TGM1: variants seen among roughly 807,000 people sequenced by gnomAD.
TGM1 encodes protein-glutamine gamma-glutamyltransferase K.
TGM1 carries 63 observed loss-of-function variants against 88.7 expected under a neutral mutation model. The observed-to-expected ratio is 0.71, with a 90% CI of 0.58 to 0.88. The LOEUF is 0.88. TGM1 is among the 40% of genes least tolerant of loss of function. The pLI, the probability that TGM1 is intolerant of heterozygous loss-of-function variation, is 0.00. For missense variants in TGM1, 996 were observed against 1,118.0 expected (o/e 0.89, Z 1.56); for synonymous variants, 415 against 431.1 (o/e 0.96, Z 0.46).
At position 24,255,173 on chromosome 14, in the gene TGM1, C is replaced by T; in HGVS notation, c.1726G>A (p.Ala576Thr). The change falls in exon 12 of 15, where the codon GCG becomes ACG. Residue 576 changes from alanine (A) to threonine (T), a missense_variant. Ala to Thr is a moderately conservative substitution (Grantham distance 58). Coordinates refer to ENST00000206765, the MANE Select transcript of TGM1 (RefSeq NM_000359.3). This position sits in a 1 kb window ranked among gnomAD's most constrained non-coding sequence, Gnocchi z 4.0. ...KPNVYANRGSAEDVAMQVEAQ... is the reference protein window; with the variant it reads ...KPNVYANRGSTEDVAMQVEAQ... ...TCCACCTGCATGGCCACATCCTCCGCTGAGCCCCGGTTGGCATACACATTG... is the reference window on the plus strand; with the variant it reads ...TCCACCTGCATGGCCACATCCTCCGTTGAGCCCCGGTTGGCATACACATTG... 2 of 1,614,120 alleles carry T rather than the reference C, an allele frequency of 1.2e-6. No individual in the cohort carries two copies. The highest frequency in any genetic ancestry group is 1.7e-6 in the Non-Finnish European group (2 of 1,180,040).
At position 24,259,508 on chromosome 14, in the gene TGM1, C is replaced by G. The variant is rs532188834; in HGVS notation, c.984+196G>C. ...GCCCTACATTCCACAGGAGCTGGGA[C>G]AGGAGCCAGGAAAGGCGGGGTGGGG... On this transcript the variant is annotated intron_variant, in intron 6 of 14. Coordinates refer to ENST00000206765, the MANE Select transcript of TGM1 (RefSeq NM_000359.3). The surrounding 1 kb of genome is among the most constrained non-coding windows in gnomAD (Gnocchi z 5.7). Among the ~76,000 whole-genome samples, 42 of 152,224 alleles carry G rather than the reference C, an allele frequency of 2.8e-4. No individual in the cohort carries two copies. Among genetic ancestry groups the G allele is most frequent in the Non-Finnish European group, 3.4e-4 (23 of 68,016 alleles).
chr14:24,262,292 T>C lies in TGM1; in HGVS notation c.61A>G (p.Thr21Ala), dbSNP rs140542428. The change falls in exon 2 of 15, where the codon ACC becomes GCC. Residue 21 changes from threonine to alanine, a missense_variant. Coordinates refer to ENST00000206765, the MANE Select transcript of TGM1 (RefSeq NM_000359.3). ...GGCTCTGGCTCTGGAGATGGCGTGG[T>C]AGGGGGCTGCAAGGGGTTGCCACCC... ...RWGGNPLQPP[T>A]TPSPEPEPEP... The C allele has an allele frequency of 1.9e-3, 3,117 of 1,613,678 alleles. 7 individuals are homozygous for C. Among genetic ancestry groups the C allele is most frequent in the Non-Finnish European group, 2.4e-3 (2,840 of 1,179,994 alleles).
chr14:24,251,774 C>T (rs1052290819), intron 14 of TGM1, among the ~76,000 whole-genome samples: 1 of 152,256 alleles, frequency 6.6e-6, no homozygotes, highest in African/African-American at 2.4e-5. Flanking sequence ...CTTCCTTCCA[C>T]AGCATGCCTC....
chr14:24,257,876 C>CT lies in TGM1; in HGVS notation c.1402+408dup, dbSNP rs982374582. On this transcript the variant is annotated intron_variant, in intron 9 of 14. Coordinates refer to ENST00000206765, the MANE Select transcript of TGM1 (RefSeq NM_000359.3). ...ACATTTTGTGTTGTTCAATTCTATA[C>CT]TTTTTTTTTCCTTCCAAGCATGTAT... is the stretch of plus-strand genomic sequence containing the variant. 4.0e-5 allele frequency among the ~76,000 whole-genome samples: 6 copies of CT among 151,680 alleles called. No homozygotes were observed. The East Asian group carries it at 7.7e-4, about 19-fold the overall frequency.
In TGM1 at chr14:24,259,622, C is replaced by T. The variant is rs1038140901; in HGVS notation, c.984+82G>A. 13 of 1,214,342 alleles carry T rather than the reference C, an allele frequency of 1.1e-5. No individual in the cohort carries two copies. In the Admixed American group the frequency reaches 2.5e-4, roughly 24 times the overall value. The allele number at this position is 1,214,342 out of a possible 1,614,324, so 75.2% of individuals were successfully genotyped here. ...CAGGGCTGGGGGTTCTTGAGGAATC[C>T]AGAAAGGGCAGGAGGAGGGTGGGGG... On this transcript the variant is annotated intron_variant, in intron 6 of 14. Transcript: ENST00000206765. This position sits in a 1 kb window ranked among gnomAD's most constrained non-coding sequence, Gnocchi z 5.7.
Position 24,259,153 on chromosome 14 carries a change from T to A in TGM1, c.1081A>T (p.Ile361Phe). The change falls in exon 7 of 15, where the codon ATC (isoleucine) becomes TTC (phenylalanine). Residue 361 changes from isoleucine to phenylalanine, a missense_variant. Coordinates refer to ENST00000206765, the MANE Select transcript of TGM1 (RefSeq NM_000359.3). This position sits in a 1 kb window ranked among gnomAD's most constrained non-coding sequence, Gnocchi z 5.7. ...CCCGTGCGTAGGTAGCTAAGCAGGATCTCCACGCTGCCCACCCACGCTGAT... is the reference window on the plus strand; with the variant it reads ...CCCGTGCGTAGGTAGCTAAGCAGGAACTCCACGCTGCCCACCCACGCTGAT... ...NPSAWVGSVE[I>F]LLSYLRTGYS... 1 of 1,614,114 alleles carries A rather than the reference T, an allele frequency of 6.2e-7. No homozygotes were observed. Among genetic ancestry groups the A allele is most frequent in the Non-Finnish European group, 8.5e-7 (1 of 1,180,002 alleles).
chr14:24,261,598 G>C, intron 3 of TGM1, 97 bp downstream of exon 3: 1 of 1,450,040 alleles, frequency 6.9e-7, no homozygotes, highest in Non-Finnish European at 9.7e-7. Flanking sequence ...GGTGAGGAGT[G>C]GGGCAGGGAG....
chr14:24,258,452 GCCTCC>G, intron 8 of TGM1, 64 bp from the exon 9 acceptor site: 1 of 1,611,354 alleles, frequency 6.2e-7, no homozygotes, highest in African/African-American at 1.3e-5. Context: ...AGTTTCCCCA[GCCTCC>G]CCAGCCCTGC....
In TGM1 at chr14:24,249,436, C is replaced by T. The variant is rs1249111571; in HGVS notation, c.2331G>A (p.Gln777=). 1 of 1,613,910 alleles carries T rather than the reference C, an allele frequency of 6.2e-7. No individual in the cohort carries two copies. Among genetic ancestry groups the T allele is most frequent in the African/African-American group, 1.3e-5 (1 of 74,878 alleles). The change falls in exon 15 of 15, where the codon CAG becomes CAA. Residue 777 remains glutamine, a synonymous_variant. Transcript: ENST00000206765. ...IASLDSPQLS[Q]VHGVIQVDVA... The stretch of plus-strand genomic sequence containing the variant: ...CATCCACCTGGATGACACCGTGCAC[C>T]TGGGAGAGCTGTGGGCTGTCCAAGC...
chr14:24,258,189 G>A (rs529508582), intron 9 of TGM1, 96 bp downstream of exon 9: 1 of 1,038,308 alleles, frequency 9.6e-7, no homozygotes, highest in South Asian at 1.4e-5. Flanking sequence ...ACATGGCTTG[G>A]CTCTCCGGCC....
chr14:24,259,934 C>G lies in TGM1; in HGVS notation c.876+6G>C. 1 of 1,613,720 alleles carries G rather than the reference C, an allele frequency of 6.2e-7. No homozygotes were observed. The highest frequency in any genetic ancestry group is 8.5e-7 in the Non-Finnish European group (1 of 1,179,604). ...GTGTATGTGACCCTGGCCAGCCGCA[C>G]CATACCTGGCCGTAGTTCCAGGTCC... is the stretch of plus-strand genomic sequence containing the variant. On this transcript the variant is annotated splice_donor_region_variant and intron_variant, in intron 5 of 14. Transcript: ENST00000206765. This position sits in a 1 kb window ranked among gnomAD's most constrained non-coding sequence, Gnocchi z 5.7.
intron 9 of TGM1, among the ~76,000 whole-genome samples, chr14:24,257,755 TAA>T (rs572251116): frequency 1.1e-3 from 169 of 152,364 alleles, no homozygotes; most frequent in African/African-American, 3.8e-3. Context: ...TGGGAAAGTC[TAA>T]TGTATCAGGT....
rs1348644751 is a variant in TGM1 at position 24,255,876 on chromosome 14, C to A, written c.1491+113G>T. 2 of 832,030 alleles carry A rather than the reference C, an allele frequency of 2.4e-6. No individual in the cohort carries two copies. The highest frequency in any genetic ancestry group is 1.9e-6 in the Non-Finnish European group (1 of 518,862). 51.5% of individuals were successfully genotyped at this position (832,030 alleles called of 1,614,324 possible). On this transcript the variant is annotated intron_variant, in intron 10 of 14. Transcript: ENST00000206765. The surrounding 1 kb of genome is among the most constrained non-coding windows in gnomAD (Gnocchi z 4.0). The stretch of plus-strand genomic sequence containing the variant: ...CCCCTTTTACAGGTGAGGAAACTGA[C>A]TTGTATAATGAGTGACTTGCCCCGG...
chr14:24,255,205 C>T lies in TGM1; in HGVS notation c.1694G>A (p.Ser565Asn), dbSNP rs773200488. 6.2e-7 allele frequency: 1 copy of T among 1,613,844 alleles called. No homozygotes were observed. Among genetic ancestry groups the T allele is most frequent in the African/African-American group, 1.3e-5 (1 of 75,056 alleles). ...KAVETAAAHG[S>N]KPNVYANRGS... is the part of the protein sequence containing the mutation. ...CCGGTTGGCATACACATTGGGTTTG[C>T]TGCCGTGGGCTGCTGCTGTCTCTAC... is the stretch of plus-strand genomic sequence containing the variant. The change falls in exon 12 of 15, where the codon AGC (serine) becomes AAC (asparagine). Residue 565 changes from serine to asparagine, a missense_variant. Ser to Asn is a conservative substitution (Grantham distance 46). Transcript: ENST00000206765. The surrounding 1 kb of genome is among the most constrained non-coding windows in gnomAD (Gnocchi z 4.0).
In TGM1 at chr14:24,262,087, C is replaced by T. The variant is rs141492969; in HGVS notation, c.266G>A (p.Arg89Gln). 35 of 1,613,468 alleles carry T rather than the reference C, an allele frequency of 2.2e-5. No homozygotes were observed. The highest frequency in any genetic ancestry group is 6.7e-5 in the East Asian group (3 of 44,892). The change falls in exon 2 of 15, where the codon CGG becomes CAG. Residue 89 changes from arginine to glutamine, a missense_variant. By Grantham distance (43) the Arg-to-Gln change is conservative. Transcript: ENST00000206765. ...GACACCGCTGCCCCGGGATACAGGC[C>T]GGCGGGAGTCTGAGCCCCGGGAGCC... is the stretch of plus-strand genomic sequence containing the variant. ...RPGSRGSDSR[R>Q]PVSRGSGVNA...
rs1180256590 is a variant in TGM1, at chr14:24,262,077, G to T, written c.276C>A (p.Ser92=). The T allele has an allele frequency of 6.2e-7, 1 of 1,613,604 alleles. No homozygotes were observed. The change falls in exon 2 of 15, where the codon TCC becomes TCA. Residue 92 remains serine (S), a synonymous_variant. Transcript: ENST00000206765. Reference sequence around the variant, plus strand: ...CAGCTGCATTGACACCGCTGCCCCGGGATACAGGCCGGCGGGAGTCTGAGC... The same window carrying T: ...CAGCTGCATTGACACCGCTGCCCCGTGATACAGGCCGGCGGGAGTCTGAGC... ...SRGSDSRRPV[S]RGSGVNAAGD... is the part of the protein sequence containing the mutation.
intron 9 of TGM1, among the ~76,000 whole-genome samples, chr14:24,256,422 A>G (rs1594568864): frequency 6.6e-6 from 1 of 152,234 alleles, no homozygotes; most frequent in Admixed American, 6.5e-5. Flanking sequence ...TGGCTGGCTG[A>G]CACTGGATGT....
At chr14:24,249,644 A>G (rs1048069040) in intron 14 of TGM1, 103 bp from the exon 15 acceptor site, 3 of 1,031,760 alleles carry the variant, frequency 2.9e-6, no homozygotes, top group African/African-American at 3.2e-5. Context: ...AGGTGGACCC[A>G]TTCAGACAAT....
chr14:24,250,550 C>T (rs74037082), intron 14 of TGM1, among the ~76,000 whole-genome samples: 1,532 of 152,258 alleles, frequency 0.01, 26 homozygotes, highest in African/African-American at 0.035. Context: ...TCCCCAGACT[C>T]ACCTCCACAG....
Sources: allele counts gnomAD v4.1 joint callset (sites outside exome capture counted in the v4.1 genomes callset), GRCh38; gene constraint gnomAD v4.1.1; non-coding constraint Gnocchi (gnomAD v3.1); transcripts MANE v1.5; gene names NCBI Gene and HGNC (gene_info 2026-07-23, HGNC 2026-07-21).